Variants in PIN1 observed in about 807,000 individuals in gnomAD.
PIN1 encodes the protein peptidylprolyl cis/trans isomerase, NIMA-interacting 1.
PIN1 carries 8 observed loss-of-function variants against 19.9 expected under a neutral mutation model. The observed-to-expected ratio is 0.40, with a 90% CI of 0.24 to 0.72. PIN1 has a LOEUF of 0.72. PIN1 is among the 30% of genes least tolerant of loss of function. The pLI is 0.37. For missense variants in PIN1, 185 were observed against 226.5 expected, an observed-to-expected ratio of 0.82 and a Z score of 1.18; for synonymous variants, 86 against 90.8, an observed-to-expected ratio of 0.95 and a Z score of 0.30.
At chr19:9,843,312 G>C (rs1242294795) in intron 2 of PIN1, among the ~76,000 whole-genome samples, 1 of 152,250 alleles carries the variant, frequency 6.6e-6, no homozygotes, top group African/African-American at 2.4e-5. Flanking sequence ...CCTCCTTCTG[G>C]ATCTTGGTCT....
At chr19:9,836,905 T>C in intron 1 of PIN1, 2 of 1,227,654 alleles carry the variant, frequency 1.6e-6, no homozygotes, top group South Asian at 1.3e-5. Context: ...ATCTATACAA[T>C]AGAGATAATA....
At chr19:9,844,205 C>CAAA (rs1263226112) in intron 2 of PIN1, among the ~76,000 whole-genome samples, 2 of 152,136 alleles carry the variant, frequency 1.3e-5, no homozygotes, top group African/African-American at 2.4e-5. Context: ...AACATTGAGT[C>CAAA]CATAACGGAT....
Position 9,849,077 on chromosome 19 carries a change from TC to T in PIN1, c.383-11del, listed in dbSNP as rs2046249254. 1.3e-6 allele frequency: 2 copies of T among 1,596,348 alleles called. No homozygotes were observed. The highest frequency in any genetic ancestry group is 1.1e-5 in the South Asian group (1 of 90,644). On this transcript the variant is annotated splice_polypyrimidine_tract_variant and intron_variant, in intron 3 of 3. Coordinates refer to ENST00000247970, the MANE Select transcript of PIN1 (RefSeq NM_006221.4). ...CCAGCCCTGACACCCCCACCGCCCC[TC>T]CTGGCTCCCAGGTCAGATGCAGAAG...
intron 1 of PIN1, 165 bp downstream of exon 1, chr19:9,835,567 G>A: frequency 1.7e-6 from 1 of 571,456 alleles, no homozygotes; most frequent in Non-Finnish European, 2.8e-6. Context: ...TGTGGGGACT[G>A]CGAGCCTCAG....
At chr19:9,836,718 C>T (rs1365932341) in intron 1 of PIN1, 41 of 684,828 alleles carry the variant, frequency 6.0e-5, no homozygotes, top group Non-Finnish European at 9.2e-5. Flanking sequence ...AATGCTGGTT[C>T]CTAGCTCTGC....
At chr19:9,848,174 AC>A in intron 3 of PIN1, 34 bp downstream of exon 3, 1 of 1,267,192 alleles carries the variant, frequency 7.9e-7, no homozygotes, top group Non-Finnish European at 1.2e-6. Context: ...AGGTTGGGGG[AC>A]CCTTACCACC....
chr19:9,838,732 A>G lies in PIN1; in HGVS notation c.271+84A>G. ...GAAGTCACATCAGACCCTTCACCCC[A>G]GCTTGCTCAGCTGCCAGGCGTGGTG... On this transcript the variant is annotated intron_variant, in intron 2 of 3. Transcript: ENST00000247970. This position sits in a 1 kb window ranked among gnomAD's most constrained non-coding sequence, Gnocchi z 5.8. The G allele has an allele frequency of 8.9e-7, 1 of 1,122,138 alleles. No homozygotes were observed. Among genetic ancestry groups the G allele is most frequent in the Non-Finnish European group, 1.3e-6 (1 of 786,868 alleles). 69.5% of individuals were successfully genotyped at this position (1,122,138 alleles called of 1,614,324 possible). A position where few individuals can be genotyped will look rare whatever the true frequency, so the allele number is the denominator to read the frequency against.
intron 2 of PIN1, among the ~76,000 whole-genome samples, chr19:9,847,402 G>A (rs74178181): frequency 0.029 from 4,443 of 152,216 alleles, 196 homozygotes; most frequent in African/African-American, 0.1. Context: ...GTGGGGAGCC[G>A]GGAGAAGAGC....
Position 9,838,619 on chromosome 19 carries a change from C to T in PIN1, c.242C>T (p.Thr81Ile). The change falls in exon 2 of 4, where the codon ACC (threonine) becomes ATC (isoleucine). Residue 81 changes from threonine to isoleucine, a missense_variant. Thr to Ile is a moderately conservative substitution (Grantham distance 89). Transcript: ENST00000247970. This position sits in a 1 kb window ranked among gnomAD's most constrained non-coding sequence, Gnocchi z 5.8. ...TGGCGGCAGGAGAAGATCACCCGGA[C>T]CAAGGAGGAGGCCCTGGAGCTGATC... is the stretch of plus-strand genomic sequence containing the variant. ...SSWRQEKITR[T>I]KEEALELING... The T allele has an allele frequency of 1.3e-6, 2 of 1,549,036 alleles. No individual in the cohort carries two copies. The highest frequency in any genetic ancestry group is 1.7e-6 in the Non-Finnish European group (2 of 1,147,936).
At position 9,849,526 on chromosome 19, in the gene PIN1, C is replaced by A. The variant is rs764470890; in HGVS notation, c.*327C>A. The A allele has an allele frequency of 9.4e-6, 6 of 636,754 alleles. No individual in the cohort carries two copies. Among genetic ancestry groups the A allele is most frequent in the Non-Finnish European group, 1.8e-5 (6 of 335,714 alleles). The allele number at this position is 636,754 out of a possible 1,614,324, so 39.4% of individuals were successfully genotyped here. A position where few individuals can be genotyped will look rare whatever the true frequency, so the allele number is the denominator to read the frequency against. ...CTGGTCAGCAGAGCCGCCCCGTGTC[C>A]CCCCAGGTGCTGGAGGCAGACTCGA... On this transcript the variant is annotated 3_prime_UTR_variant, in exon 4 of 4. Coordinates refer to ENST00000247970, the MANE Select transcript of PIN1 (RefSeq NM_006221.4).
At chr19:9,837,809 T>A (rs1472668016) in intron 1 of PIN1, 1 of 153,676 alleles carries the variant, frequency 6.5e-6, no homozygotes, top group Non-Finnish European at 1.4e-5. Flanking sequence ...ATTTTTTATA[T>A]TTTTAGTAGA....
At chr19:9,845,470 G>A (rs557832234) in intron 2 of PIN1, among the ~76,000 whole-genome samples, 6 of 151,800 alleles carry the variant, frequency 4.0e-5, no homozygotes, top group Non-Finnish European at 7.4e-5. Flanking sequence ...TCAGCTCACT[G>A]TACCTTTCTA....
chr19:9,835,774 A>G (rs565943046), intron 1 of PIN1: 3 of 272,844 alleles, frequency 1.1e-5, no homozygotes, highest in Admixed American at 1.1e-4. Flanking sequence ...GTACCCTGCA[A>G]AGGGCGTAGG....
intron 3 of PIN1, 33 bp from the exon 4 acceptor site, chr19:9,849,057 C>G: frequency 6.8e-7 from 1 of 1,471,506 alleles, no homozygotes; most frequent in Non-Finnish European, 9.5e-7. Flanking sequence ...CCAGCCCAGC[C>G]CTGACACCCC....
chr19:9,848,827 C>G (rs1489488237), intron 3 of PIN1, among the ~76,000 whole-genome samples: 2 of 152,152 alleles, frequency 1.3e-5, no homozygotes, highest in African/African-American at 4.8e-5. Context: ...CGAAGTGGCC[C>G]CTAAATGCAC....
In PIN1 at chr19:9,838,682, G is replaced by T; in HGVS notation, c.271+34G>T. On this transcript the variant is annotated intron_variant, in intron 2 of 3. Coordinates refer to ENST00000247970, the MANE Select transcript of PIN1 (RefSeq NM_006221.4). The surrounding 1 kb of genome is among the most constrained non-coding windows in gnomAD (Gnocchi z 5.8). ...GGCGAGGGCAGGGGCTTGGGAGGGG[G>T]TCTTCTCCCAGGTGAGCCTTTGTAG... is the stretch of plus-strand genomic sequence containing the variant. 6.8e-7 allele frequency: 1 copy of T among 1,470,130 alleles called. No individual in the cohort carries two copies. The highest frequency in any genetic ancestry group is 2.5e-5 in the East Asian group (1 of 40,374). 91.1% of individuals were successfully genotyped at this position (1,470,130 alleles called of 1,614,324 possible). A position where few individuals can be genotyped will look rare whatever the true frequency, so the allele number is the denominator to read the frequency against.
chr19:9,839,382 C>T (rs895155104), intron 2 of PIN1, among the ~76,000 whole-genome samples: 6 of 150,306 alleles, frequency 4.0e-5, no homozygotes, highest in Non-Finnish European at 8.9e-5. Flanking sequence ...CACCACTCCA[C>T]TCCAGCCTGG....
intron 2 of PIN1, among the ~76,000 whole-genome samples, chr19:9,841,509 T>A (rs1217288517): frequency 1.3e-5 from 2 of 152,150 alleles, no homozygotes; most frequent in Non-Finnish European, 1.5e-5. Context: ...ATGAGACCCT[T>A]CACGGGCAGG....
chr19:9,847,171 ACAC>A (rs1427007108), intron 2 of PIN1, among the ~76,000 whole-genome samples: 3 of 152,070 alleles, frequency 2.0e-5, no homozygotes, highest in African/African-American at 4.8e-5. Context: ...CACACCACAC[ACAC>A]CACGTGCACA....
Sources: allele counts gnomAD v4.1 joint callset (sites outside exome capture counted in the v4.1 genomes callset), GRCh38; gene constraint gnomAD v4.1.1; non-coding constraint Gnocchi (gnomAD v3.1); transcripts MANE v1.5; gene names NCBI Gene and HGNC (gene_info 2026-07-23, HGNC 2026-07-21).